SLC41A2: variants seen among roughly 807,000 people sequenced by gnomAD.
The protein encoded by SLC41A2 is SLC41A1-like 1.
In SLC41A2, 32 loss-of-function variants were observed where a neutral mutation model predicts 58.3. The observed-to-expected ratio is 0.55, with a 90% CI of 0.41 to 0.74. The LOEUF is 0.74. Ranked by LOEUF, SLC41A2 falls within the 30% of genes least tolerant of loss-of-function variation. The pLI, the probability that SLC41A2 is intolerant of heterozygous loss-of-function variation, is 0.00. For synonymous variants in SLC41A2, 190 were observed against 235.0 expected, an observed-to-expected ratio of 0.81 and a Z score of 1.75; for missense variants, 514 against 680.6, an observed-to-expected ratio of 0.76 and a Z score of 2.72.
intron 6 of SLC41A2, among the ~76,000 whole-genome samples, chr12:104,880,199 C>T (rs1008282193): frequency 3.2e-4 from 49 of 152,222 alleles, no homozygotes; most frequent in African/African-American, 1.1e-3. Context: ...TTCTTATCAG[C>T]TTAAGGAGAT....
At chr12:104,867,903 A>T (rs914468695) in intron 6 of SLC41A2, among the ~76,000 whole-genome samples, 1 of 151,906 alleles carries the variant, frequency 6.6e-6, no homozygotes, top group East Asian at 1.9e-4. Flanking sequence ...AGATGCTTGA[A>T]CTACATACAA....
chr12:104,835,687 A>T (rs2042186159), intron 10 of SLC41A2, among the ~76,000 whole-genome samples: 1 of 152,164 alleles, frequency 6.6e-6, no homozygotes. Flanking sequence ...TTCAGTAGGC[A>T]TTGATTCGGT....
chr12:104,946,175 T>G (rs2047712364), intron 1 of SLC41A2, among the ~76,000 whole-genome samples: 1 of 152,226 alleles, frequency 6.6e-6, no homozygotes, highest in Non-Finnish European at 1.5e-5. Context: ...TTCTAAGAAG[T>G]AGCATAGGAG....
intron 10 of SLC41A2, among the ~76,000 whole-genome samples, chr12:104,830,850 T>A (rs2042011158): frequency 1.3e-5 from 2 of 152,216 alleles, no homozygotes; most frequent in African/African-American, 4.8e-5. Flanking sequence ...GTTCTTATGC[T>A]GGCAGAAGTT....
At chr12:104,918,171 A>G (rs146175978) in intron 2 of SLC41A2, among the ~76,000 whole-genome samples, 1 of 152,012 alleles carries the variant, frequency 6.6e-6, no homozygotes, top group Non-Finnish European at 1.5e-5. Flanking sequence ...GTATAAGGAC[A>G]TAGGCACTCT....
intron 6 of SLC41A2, among the ~76,000 whole-genome samples, chr12:104,875,282 G>A (rs372844650): frequency 1.2e-4 from 18 of 152,160 alleles, no homozygotes; most frequent in South Asian, 8.3e-4. Context: ...TTTTGTTGTC[G>A]TTGTTGTTTA....
At chr12:104,870,943 T>C (rs1459354833) in intron 6 of SLC41A2, among the ~76,000 whole-genome samples, 1 of 152,148 alleles carries the variant, frequency 6.6e-6, no homozygotes, top group African/African-American at 2.4e-5. Flanking sequence ...CCTAAGATGG[T>C]ACTGTGCTAA....
Position 104,895,301 on chromosome 12 carries a change from T to C in SLC41A2, c.708A>G (p.Leu236=). ...GCTTTAAAGCCAAGTTGCCAATTATTAGGTTCCACTTTTCAATGGGTGAAT... is the reference window on the plus strand; with the variant it reads ...GCTTTAAAGCCAAGTTGCCAATTATCAGGTTCCACTTTTCAATGGGTGAAT... ...KMDSPIEKWN[L]IIGNLALKQV... The change falls in exon 4 of 11, where the codon CTA becomes CTG. Residue 236 remains leucine (L), a synonymous_variant. Coordinates refer to ENST00000258538, the MANE Select transcript of SLC41A2 (RefSeq NM_001352171.3). 6.2e-7 allele frequency: 1 copy of C among 1,613,272 alleles called. No homozygotes were observed. Among genetic ancestry groups the C allele is most frequent in the Non-Finnish European group, 8.5e-7 (1 of 1,179,500 alleles).
At chr12:104,833,066 G>C (rs2042093406) in intron 10 of SLC41A2, among the ~76,000 whole-genome samples, 2 of 152,184 alleles carry the variant, frequency 1.3e-5, no homozygotes, top group South Asian at 4.1e-4. Flanking sequence ...CAACAGAGTT[G>C]AATGTCTGGA....
At chr12:104,934,513 AAG>A (rs1213447175) in intron 1 of SLC41A2, among the ~76,000 whole-genome samples, 7 of 151,524 alleles carry the variant, frequency 4.6e-5, no homozygotes, top group Non-Finnish European at 8.8e-5. Flanking sequence ...AGAAAAAAAA[AAG>A]AGCATCTACA....
intron 6 of SLC41A2, among the ~76,000 whole-genome samples, chr12:104,880,600 T>C (rs1225632546): frequency 1.3e-5 from 2 of 152,224 alleles, no homozygotes; most frequent in Non-Finnish European, 2.9e-5. Flanking sequence ...TTGGTTCTGT[T>C]AATATGATGG....
chr12:104,849,842 G>A (rs538869998), intron 8 of SLC41A2, among the ~76,000 whole-genome samples: 23 of 152,130 alleles, frequency 1.5e-4, no homozygotes, highest in Non-Finnish European at 2.2e-4. Context: ...AAGTAAGTAA[G>A]TAAATAAATA....
At chr12:104,832,161 CAA>C (rs2042060410) in intron 10 of SLC41A2, among the ~76,000 whole-genome samples, 1 of 152,174 alleles carries the variant, frequency 6.6e-6, no homozygotes, top group East Asian at 1.9e-4. Context: ...ATTCTCAGAA[CAA>C]AGAGTTGACT....
At chr12:104,883,742 G>A (rs1021143109) in intron 6 of SLC41A2, among the ~76,000 whole-genome samples, 3 of 152,184 alleles carry the variant, frequency 2.0e-5, no homozygotes, top group Non-Finnish European at 4.4e-5. Flanking sequence ...GGCTGTATGA[G>A]GTGTCAGTTG....
intron 6 of SLC41A2, among the ~76,000 whole-genome samples, chr12:104,880,172 T>C (rs2044287429): frequency 6.6e-6 from 1 of 152,206 alleles, no homozygotes; most frequent in South Asian, 2.1e-4. Context: ...TTTTGTATCC[T>C]GAGACTTTGC....
chr12:104,892,807 G>A (rs73399968), intron 4 of SLC41A2, among the ~76,000 whole-genome samples: 3,602 of 152,196 alleles, frequency 0.024, 98 homozygotes, highest in East Asian at 0.15. Context: ...TCTACATGCA[G>A]AAGAAATGAG....
intron 10 of SLC41A2, among the ~76,000 whole-genome samples, chr12:104,823,478 T>C (rs917264453): frequency 5.9e-5 from 9 of 152,092 alleles, no homozygotes; most frequent in African/African-American, 2.2e-4. Context: ...TGCATATATA[T>C]ATATATAGTA....
chr12:104,855,638 T>A (rs1285139346), intron 8 of SLC41A2, among the ~76,000 whole-genome samples: 1 of 152,194 alleles, frequency 6.6e-6, no homozygotes, highest in East Asian at 1.9e-4. Context: ...AAAACTGAAC[T>A]CTCAAATGAC....
chr12:104,909,559 A>G (rs1007325581), intron 3 of SLC41A2, 96 bp downstream of exon 3: 6 of 817,048 alleles, frequency 7.3e-6, no homozygotes, highest in African/African-American at 7.0e-5. Flanking sequence ...GTGCAGAAGC[A>G]TATCAGAGAA....
Sources: allele counts gnomAD v4.1 joint callset (sites outside exome capture counted in the v4.1 genomes callset), GRCh38; gene constraint gnomAD v4.1.1; transcripts MANE v1.5; gene names NCBI Gene and HGNC (gene_info 2026-07-23, HGNC 2026-07-21).